Variants in NHSL2 observed in about 807,000 individuals in gnomAD.
The protein encoded by NHSL2 is NHS like 2, also known as NHS-like protein 2.
In NHSL2, 27 loss-of-function variants were observed where a neutral mutation model predicts 53.4. The ratio of observed to expected loss-of-function variants is 0.51; its 90% CI spans 0.37 to 0.70. NHSL2 has a LOEUF of 0.70. Among genes scored for constraint, NHSL2 ranks in the 30% least tolerant of loss-of-function variants. The pLI is 0.00. For missense variants in NHSL2, 892 were observed against 980.1 expected (o/e 0.91, Z 1.20); for synonymous variants, 408 against 404.1 (o/e 1.01, Z -0.12).
intron 1 of NHSL2, chrX:72,044,558 G>C: frequency 1.2e-6 from 1 of 844,808 alleles, no homozygotes; most frequent in Non-Finnish European, 1.7e-6. Context: ...ACAAAGAAAA[G>C]AAGGAACAAC....
At chrX:72,047,544 A>G (rs1379332260) in intron 1 of NHSL2, among the ~76,000 whole-genome samples, 1 of 112,042 alleles carries the variant, frequency 8.9e-6, no homozygotes, top group African/African-American at 3.2e-5. Context: ...TGCTCCCCCA[A>G]ATCCTATCTG....
chrX:72,049,009 A>AGAAGAAGAAGAAGAAGAAGAAGAG lies in NHSL2; in HGVS notation c.281-83065_281-83064insAGAAGAAGAAGAAGAAGAGGAAGA, dbSNP rs1556340802. The stretch of plus-strand genomic sequence containing the variant: ...GAGGAGAAGAAGAAGAAGAAGAAGA[A>AGAAGAAGAAGAAGAAGAAGAAGAG]GAAGAGGAAGAGGAAGAGGAAGAGG... On this transcript the variant is annotated intron_variant, in intron 1 of 7. Transcript: ENST00000633930. Among the ~76,000 whole-genome samples the AGAAGAAGAAGAAGAAGAAGAAGAG allele has an allele frequency of 4.1e-3, 354 of 86,138 alleles. 5 individuals are homozygous for AGAAGAAGAAGAAGAAGAAGAAGAG. Among genetic ancestry groups the AGAAGAAGAAGAAGAAGAAGAAGAG allele is most frequent in the African/African-American group, 0.016 (334 of 20,801 alleles). The allele number at this position is 86,138 out of a possible 115,157, so 74.8% of individuals were successfully genotyped here. A position where few individuals can be genotyped will look rare whatever the true frequency, so the allele number is the denominator to read the frequency against.
intron 1 of NHSL2, among the ~76,000 whole-genome samples, chrX:71,970,585 A>C (rs1292610042): frequency 1.1e-5 from 1 of 90,254 alleles, no homozygotes; most frequent in East Asian, 3.3e-4. Flanking sequence ...AGTCTTTTCT[A>C]GTTTTCTTTT....
At chrX:72,052,121 C>T (rs2042343890) in intron 1 of NHSL2, among the ~76,000 whole-genome samples, 1 of 112,471 alleles carries the variant, frequency 8.9e-6, no homozygotes, top group African/African-American at 3.2e-5. Context: ...CTTCAACAAA[C>T]TAAACAAATG....
At chrX:72,134,064 G>A (rs1323427646) in intron 2 of NHSL2, 27 bp from the exon 3 acceptor site, 1 of 1,164,953 alleles carries the variant, frequency 8.6e-7, no homozygotes, top group African/African-American at 1.8e-5. Flanking sequence ...ACCCTAGAGT[G>A]TGTGTCTCCA....
chrX:72,013,835 CATTG>C (rs1209692084), intron 1 of NHSL2, among the ~76,000 whole-genome samples: 2 of 111,037 alleles, frequency 1.8e-5, no homozygotes, highest in Non-Finnish European at 3.8e-5. Context: ...GCTTTTTCTG[CATTG>C]ATTAATATGA....
intron 1 of NHSL2, among the ~76,000 whole-genome samples, chrX:71,929,545 T>C (rs189819371): frequency 8.9e-6 from 1 of 112,318 alleles, no homozygotes; most frequent in African/African-American, 3.2e-5. Context: ...AAGAACTTAA[T>C]TTAACTCATT....
chrX:71,957,345 C>T (rs908555496), intron 1 of NHSL2, among the ~76,000 whole-genome samples: 5 of 112,413 alleles, frequency 4.4e-5, no homozygotes, highest in African/African-American at 1.6e-4. Flanking sequence ...CGGCTCACTG[C>T]GAGCTCCGCC....
chrX:72,081,334 A>G (rs940782904), intron 1 of NHSL2, among the ~76,000 whole-genome samples: 1 of 112,557 alleles, frequency 8.9e-6, no homozygotes, highest in Non-Finnish European at 1.9e-5. Flanking sequence ...CAGACCCTCC[A>G]TGGGTGCAGT....
At chrX:72,123,583 C>T (rs12388804) in intron 1 of NHSL2, among the ~76,000 whole-genome samples, 15,453 of 111,368 alleles carry the variant, frequency 0.14, 1,112 homozygotes, top group African/African-American at 0.27. Flanking sequence ...GCAAGCCTCA[C>T]AGCCAACAGG....
At chrX:71,911,410 C>G (rs916835381) in intron 1 of NHSL2, 43 bp downstream of exon 1, 3 of 1,013,244 alleles carry the variant, frequency 3.0e-6, no homozygotes, top group Non-Finnish European at 2.5e-6. Context: ...GCGTCTACCC[C>G]GCCTCTAGGG....
intron 1 of NHSL2, among the ~76,000 whole-genome samples, chrX:71,914,525 G>A (rs758521143): frequency 8.9e-6 from 1 of 112,274 alleles, no homozygotes; most frequent in East Asian, 2.8e-4. Context: ...AACTTGCTGT[G>A]GGAAAGATGT....
chrX:72,134,846 G>T (rs1044330386), intron 4 of NHSL2, 142 bp downstream of exon 4: 11 of 489,250 alleles, frequency 2.2e-5, no homozygotes, highest in Non-Finnish European at 3.7e-5. Context: ...CATGGCTCTT[G>T]CCAGGGAACG....
intron 1 of NHSL2, among the ~76,000 whole-genome samples, chrX:72,110,966 G>A (rs2042088372): frequency 9.0e-6 from 1 of 111,517 alleles, no homozygotes; most frequent in Admixed American, 9.5e-5. Flanking sequence ...CTGTTGATAT[G>A]GAAACGGGTT....
At chrX:72,133,999 C>A in intron 2 of NHSL2, 92 bp from the exon 3 acceptor site, 1 of 929,448 alleles carries the variant, frequency 1.1e-6, no homozygotes, top group South Asian at 2.4e-5. Flanking sequence ...GGCCTGGCAG[C>A]TAGAGCAGGA....
At chrX:71,941,555 G>A (rs938758031) in intron 1 of NHSL2, among the ~76,000 whole-genome samples, 3 of 111,875 alleles carry the variant, frequency 2.7e-5, no homozygotes, top group African/African-American at 9.8e-5. Flanking sequence ...TCTAAAATGG[G>A]TTCAGTAAGT....
At chrX:72,124,472 G>A (rs2042206506) in intron 1 of NHSL2, among the ~76,000 whole-genome samples, 1 of 111,539 alleles carries the variant, frequency 9.0e-6, no homozygotes, top group African/African-American at 3.3e-5. Context: ...GGAGCTCTAG[G>A]GGAAGGCTCA....
Position 72,101,970 on chromosome X carries a change from C to T in NHSL2, c.281-30109C>T, listed in dbSNP as rs1174091210. ...ACCCCAGCCTCTACTGCTTCAGCCC[C>T]CTCCTGAGGCTGGCCAAAGCGTAGA... On this transcript the variant is annotated intron_variant, in intron 1 of 7. Coordinates refer to ENST00000633930, the MANE Select transcript of NHSL2 (RefSeq NM_001013627.3). 6.2e-5 allele frequency among the ~76,000 whole-genome samples: 7 copies of T among 112,133 alleles called. No homozygotes were observed. In the East Asian group the frequency reaches 1.7e-3, roughly 27 times the overall value.
chrX:71,950,380 TC>T (rs1279589303), intron 1 of NHSL2, among the ~76,000 whole-genome samples: 1 of 112,714 alleles, frequency 8.9e-6, no homozygotes, highest in Non-Finnish European at 1.9e-5. Flanking sequence ...CATCCCTCGC[TC>T]CCTGTTTAGG....
Sources: allele counts gnomAD v4.1 joint callset (sites outside exome capture counted in the v4.1 genomes callset), GRCh38; gene constraint gnomAD v4.1.1; transcripts MANE v1.5; gene names NCBI Gene and HGNC (gene_info 2026-07-23, HGNC 2026-07-21).